Variants in SKIL observed in about 807,000 individuals in gnomAD.
SKIL encodes the protein ski-like protein.
Under a neutral mutation model 69.6 loss-of-function variants are expected in SKIL, and 20 were observed. The ratio of observed to expected loss-of-function variants is 0.29; its 90% CI spans 0.20 to 0.42. SKIL has a LOEUF of 0.42. SKIL is among the 10% of genes least tolerant of loss of function. The probability of loss-of-function intolerance (pLI) is 1.00; values close to 1 mark genes in which losing one functional copy is unlikely to be tolerated. For synonymous variants in SKIL, 310 were observed against 279.9 expected (o/e 1.11, Z -1.08); for missense variants, 745 against 783.1 (o/e 0.95, Z 0.58).
intron 2 of SKIL, among the ~76,000 whole-genome samples, chr3:170,376,042 CTTTTT>C (rs869036195): frequency 1.1e-5 from 1 of 89,130 alleles, no homozygotes; most frequent in Non-Finnish European, 2.1e-5. Flanking sequence ...GCTGATTTTC[CTTTTT>C]TTTTTTTTTT....
In SKIL at chr3:170,390,974, A is replaced by G. The variant is rs1737881595; in HGVS notation, c.1672-62A>G. 4 of 870,902 alleles carry G rather than the reference A, an allele frequency of 4.6e-6. No individual in the cohort carries two copies. The East Asian group carries it at 9.9e-5, about 22-fold the overall frequency. 53.9% of individuals were successfully genotyped at this position (870,902 alleles called of 1,614,324 possible). ...TATTTTCTGTGCTATGTTTTCCAGAACTGAAAATTTTAACATGGTGAAAAT... is the reference window on the plus strand; with the variant it reads ...TATTTTCTGTGCTATGTTTTCCAGAGCTGAAAATTTTAACATGGTGAAAAT... On this transcript the variant is annotated intron_variant, in intron 5 of 6. Transcript: ENST00000259119.
At chr3:170,367,654 G>C (rs1283863282) in intron 2 of SKIL, among the ~76,000 whole-genome samples, 1 of 151,282 alleles carries the variant, frequency 6.6e-6, no homozygotes, top group Non-Finnish European at 1.5e-5. Context: ...TTTTAGTAGA[G>C]ATGGGGGTTT....
rs1036429181 is a variant in SKIL, at chr3:170,393,374, A to G, written c.*957A>G. The G allele has an allele frequency of 5.9e-5, 9 of 152,172 alleles. No homozygotes were observed. Among genetic ancestry groups the G allele is most frequent in the African/African-American group, 1.9e-4 (8 of 41,456 alleles). The allele number at this position is 152,172 out of a possible 1,614,324, so 9.4% of individuals were successfully genotyped here. A position where few individuals can be genotyped will look rare whatever the true frequency, so the allele number is the denominator to read the frequency against. Reference sequence around the variant, plus strand: ...CTTGAAGGTTATTTTGGACTTCTGTATGTTTAAATGTTGTCTTACCAAAAT... The same window carrying G: ...CTTGAAGGTTATTTTGGACTTCTGTGTGTTTAAATGTTGTCTTACCAAAAT... On this transcript the variant is annotated 3_prime_UTR_variant, in exon 7 of 7. Transcript: ENST00000259119.
intron 2 of SKIL, among the ~76,000 whole-genome samples, chr3:170,370,108 A>G (rs761256651): frequency 1.3e-5 from 2 of 151,920 alleles, no homozygotes; most frequent in African/African-American, 2.4e-5. Context: ...GCGCGGTGGC[A>G]GGCGCCTGTA....
intron 2 of SKIL, among the ~76,000 whole-genome samples, chr3:170,378,956 A>G (rs995059050): frequency 6.6e-6 from 1 of 151,824 alleles, no homozygotes; most frequent in African/African-American, 2.4e-5. Context: ...GGCTTACTGC[A>G]GCCTCCGCCT....
intron 4 of SKIL, among the ~76,000 whole-genome samples, chr3:170,385,546 T>C (rs1737578078): frequency 6.6e-6 from 1 of 152,136 alleles, no homozygotes; most frequent in East Asian, 1.9e-4. Context: ...ATAGCATAAA[T>C]GTGGAATATT....
rs201142905 is a variant in SKIL at position 170,384,754 on chromosome 3, G to A, written c.1418G>A (p.Cys473Tyr). The A allele has an allele frequency of 6.5e-7, 1 of 1,547,146 alleles. No individual in the cohort carries two copies. Among genetic ancestry groups the A allele is most frequent in the South Asian group, 1.1e-5 (1 of 88,246 alleles). The change falls in exon 4 of 7, where the codon TGT becomes TAT. Residue 473 changes from cysteine to tyrosine, a missense_variant. Transcript: ENST00000259119. ...KMDLKTSREL[C>Y]SRLDASISNN... ...GATTTAAAAACAAGTAGAGAATTAT[G>A]TAGCCGTTTAGGTAAGTATTCAGAG...
intron 2 of SKIL, among the ~76,000 whole-genome samples, chr3:170,378,849 TTTTATTTATTTATTTA>T (rs72498372): frequency 4.9e-5 from 7 of 142,744 alleles, no homozygotes; most frequent in Non-Finnish European, 9.1e-5. Flanking sequence ...TTGGAGCTTC[TTTTATTTATTTATTTA>T]TTTATTTATT....
At chr3:170,378,215 A>G (rs532996191) in intron 2 of SKIL, among the ~76,000 whole-genome samples, 74 of 152,282 alleles carry the variant, frequency 4.9e-4, no homozygotes, top group African/African-American at 1.8e-3. Flanking sequence ...AGTTGGCCCT[A>G]AGTCATCTCC....
chr3:170,362,780 A>G (rs1736307399), intron 2 of SKIL, among the ~76,000 whole-genome samples: 1 of 151,046 alleles, frequency 6.6e-6, no homozygotes, highest in African/African-American at 2.4e-5. Context: ...ACGCCACCAC[A>G]GTCCATCCTG....
chr3:170,377,542 CT>C (rs749615295), intron 2 of SKIL, among the ~76,000 whole-genome samples: 779 of 77,314 alleles, frequency 0.01, 2 homozygotes, highest in African/African-American at 0.028. Flanking sequence ...CTCAATAATT[CT>C]TTTTTTTTTT....
rs1400727459 is a variant in SKIL, at chr3:170,369,930, T to A, written c.1098+8501T>A. On this transcript the variant is annotated intron_variant, in intron 2 of 6. Transcript: ENST00000259119. Reference sequence around the variant, plus strand: ...AGCAAAAGAATATATAAACAATGCATCTTGTTGTAAGATGTGATTTGCTTC... The same window carrying A: ...AGCAAAAGAATATATAAACAATGCAACTTGTTGTAAGATGTGATTTGCTTC... Among the ~76,000 whole-genome samples, 4 of 152,134 alleles carry A rather than the reference T, an allele frequency of 2.6e-5. No homozygotes were observed. In the East Asian group the frequency reaches 7.7e-4, roughly 29 times the overall value.
chr3:170,375,519 A>G (rs750809743), intron 2 of SKIL, among the ~76,000 whole-genome samples: 1 of 152,244 alleles, frequency 6.6e-6, no homozygotes, highest in Non-Finnish European at 1.5e-5. Flanking sequence ...AGATTCCAGT[A>G]TTCATTATAG....
chr3:170,362,158 A>G (rs1254446647), intron 2 of SKIL, among the ~76,000 whole-genome samples: 1 of 152,212 alleles, frequency 6.6e-6, no homozygotes, highest in African/African-American at 2.4e-5. Flanking sequence ...GGAATAACAA[A>G]AAAAATGACA....
intron 2 of SKIL, among the ~76,000 whole-genome samples, chr3:170,376,926 G>A (rs1737061715): frequency 6.6e-6 from 1 of 152,156 alleles, no homozygotes; most frequent in African/African-American, 2.4e-5. Context: ...TTGAATTGGG[G>A]TAGGGGACAA....
intron 2 of SKIL, among the ~76,000 whole-genome samples, chr3:170,378,550 TC>T (rs1737152546): frequency 1.0e-5 from 1 of 96,770 alleles, no homozygotes; most frequent in Non-Finnish European, 2.3e-5. Flanking sequence ...TCTCTCTCTC[TC>T]TCTTTTTTTT....
rs1480478623 is a variant in SKIL at position 170,393,536 on chromosome 3, A to G, written c.*1119A>G. On this transcript the variant is annotated 3_prime_UTR_variant, in exon 7 of 7. Transcript: ENST00000259119. Reference sequence around the variant, plus strand: ...AAGATTTTTAGATAAGTTTTAGAAGATAAAGGAATTCCATAGTTTCAGGAG... The same window carrying G: ...AAGATTTTTAGATAAGTTTTAGAAGGTAAAGGAATTCCATAGTTTCAGGAG... The G allele has an allele frequency of 6.6e-6, 1 of 152,210 alleles. No individual in the cohort carries two copies. Among genetic ancestry groups the G allele is most frequent in the Admixed American group, 6.5e-5 (1 of 15,284 alleles). The allele number at this position is 152,210 out of a possible 1,614,324, so 9.4% of individuals were successfully genotyped here. A position where few individuals can be genotyped will look rare whatever the true frequency, so the allele number is the denominator to read the frequency against.
chr3:170,389,291 C>G (rs1051379734), intron 4 of SKIL, among the ~76,000 whole-genome samples: 1 of 150,554 alleles, frequency 6.6e-6, no homozygotes, highest in Non-Finnish European at 1.5e-5. Context: ...TATAGTTGTC[C>G]GTATGTTGAA....
intron 2 of SKIL, among the ~76,000 whole-genome samples, chr3:170,372,515 A>G (rs1213341333): frequency 1.3e-5 from 2 of 152,204 alleles, no homozygotes; most frequent in South Asian, 4.1e-4. Flanking sequence ...GAAATCTCTA[A>G]GTAGCTATTT....
Sources: gnomAD v4.1 joint callset for allele counts (sites outside exome capture counted in the v4.1 genomes callset) on GRCh38, gnomAD v4.1.1 for gene constraint, MANE v1.5 for transcripts, NCBI Gene and HGNC (gene_info 2026-07-23, HGNC 2026-07-21) for gene names.